The following PCBP3 variants were observed in gnomAD, a reference collection of about 807,000 sequenced individuals.
PCBP3 encodes poly(rC)-binding protein 3.
PCBP3 carries 25 observed loss-of-function variants against 52.7 expected under a neutral mutation model. That is an observed-to-expected ratio of 0.47 (90% CI 0.35 to 0.66). PCBP3 has a LOEUF of 0.66. PCBP3 is among the 30% of genes least tolerant of loss of function. The pLI is 0.01. For missense variants in PCBP3, 391 were observed against 490.3 expected (o/e 0.80, Z 1.91); for synonymous variants, 162 against 183.0 (o/e 0.89, Z 0.93).
intron 17 of PCBP3, 32 bp from the exon 18 acceptor site, chr21:45,941,638 G>A (rs374937482): frequency 2.1e-5 from 34 of 1,596,396 alleles, no homozygotes; most frequent in African/African-American, 1.6e-4. Context: ...GGTTGTGACC[G>A]TCTCTCCCTC....
At chr21:45,848,410 C>T (rs748287733) in intron 4 of PCBP3, 2 of 152,194 alleles carry the variant, frequency 1.3e-5, no homozygotes, top group Non-Finnish European at 2.9e-5. Flanking sequence ...GGGTAAATGC[C>T]GTGAACGGAG....
intron 2 of PCBP3, among the ~76,000 whole-genome samples, chr21:45,720,594 A>G (rs76501438): frequency 0.021 from 3,152 of 152,382 alleles, 117 homozygotes; most frequent in African/African-American, 0.072. Context: ...CCTTAGCAGT[A>G]AAAGTATTCA....
At chr21:45,908,249 A>G (rs1393939917) in intron 9 of PCBP3, among the ~76,000 whole-genome samples, 3 of 152,138 alleles carry the variant, frequency 2.0e-5, no homozygotes, top group African/African-American at 4.8e-5. Context: ...GGATTGAGAC[A>G]TGGCCCCATG....
intron 4 of PCBP3, among the ~76,000 whole-genome samples, chr21:45,765,428 A>G (rs1270578152): frequency 6.6e-6 from 1 of 152,230 alleles, no homozygotes; most frequent in African/African-American, 2.4e-5. Flanking sequence ...GTTAAATAGG[A>G]GGACAGCTCA....
intron 5 of PCBP3, among the ~76,000 whole-genome samples, chr21:45,895,782 A>T (rs1315504737): frequency 6.6e-6 from 1 of 152,146 alleles, no homozygotes; most frequent in Admixed American, 6.5e-5. Flanking sequence ...TGGTCAGGGG[A>T]CTCTGGCACC....
At chr21:45,841,819 G>C (rs568647670) in intron 4 of PCBP3, among the ~76,000 whole-genome samples, 1 of 152,116 alleles carries the variant, frequency 6.6e-6, no homozygotes, top group African/African-American at 2.4e-5. Flanking sequence ...CTGTTATTAC[G>C]GTGAAATATG....
intron 9 of PCBP3, among the ~76,000 whole-genome samples, chr21:45,902,294 C>T (rs971027800): frequency 1.4e-5 from 1 of 70,368 alleles, no homozygotes; most frequent in Admixed American, 1.2e-4. Flanking sequence ...CGTAGGTGGC[C>T]TGGCCTCCAA....
chr21:45,857,340 T>A (rs1386364003), intron 5 of PCBP3, among the ~76,000 whole-genome samples: 1 of 152,160 alleles, frequency 6.6e-6, no homozygotes, highest in Non-Finnish European at 1.5e-5. Flanking sequence ...AATTTATGGT[T>A]TGTAGAGCAT....
At chr21:45,894,314 T>C (rs1220836358) in intron 5 of PCBP3, among the ~76,000 whole-genome samples, 2 of 152,188 alleles carry the variant, frequency 1.3e-5, no homozygotes, top group African/African-American at 4.8e-5. Flanking sequence ...GCTGGAAACC[T>C]TGACATAACA....
intron 4 of PCBP3, among the ~76,000 whole-genome samples, chr21:45,794,371 G>A (rs111428965): frequency 0.013 from 2,047 of 152,272 alleles, 65 homozygotes; most frequent in African/African-American, 0.046. Flanking sequence ...AGCCAAGACC[G>A]TGCCTCTGCA....
chr21:45,860,663 G>C (rs2094473825), intron 5 of PCBP3, among the ~76,000 whole-genome samples: 1 of 152,220 alleles, frequency 6.6e-6, no homozygotes, highest in Non-Finnish European at 1.5e-5. Context: ...CAACAGCAAA[G>C]ATCGTGCGAG....
chr21:45,843,094 G>A (rs993311787), intron 4 of PCBP3, among the ~76,000 whole-genome samples: 2 of 152,122 alleles, frequency 1.3e-5, no homozygotes, highest in Non-Finnish European at 2.9e-5. Flanking sequence ...CGAACTCACC[G>A]CTGTGTCATT....
At chr21:45,679,322 T>C (rs775283170) in intron 2 of PCBP3, among the ~76,000 whole-genome samples, 13 of 152,118 alleles carry the variant, frequency 8.5e-5, no homozygotes, top group Non-Finnish European at 1.6e-4. Flanking sequence ...GGTTTCGCCA[T>C]GTTGGCCAGG....
intron 2 of PCBP3, chr21:45,728,819 CATCT>C (rs1291079973): frequency 6.6e-6 from 1 of 152,066 alleles, no homozygotes; most frequent in Non-Finnish European, 1.5e-5. Context: ...GAACTTGCTC[CATCT>C]AAGTTAGCAG....
chr21:45,763,239 A>G (rs549952095), intron 4 of PCBP3: 2 of 152,364 alleles, frequency 1.3e-5, no homozygotes, highest in South Asian at 2.1e-4. Context: ...AGTTCCCACC[A>G]TTGAGGGCTG....
intron 5 of PCBP3, among the ~76,000 whole-genome samples, chr21:45,889,621 C>T (rs1011478412): frequency 3.3e-5 from 5 of 152,192 alleles, no homozygotes; most frequent in South Asian, 4.1e-4. Context: ...GAGTTAGAGG[C>T]GGGGAGCTTC....
chr21:45,722,133 C>T (rs548653659), intron 2 of PCBP3, among the ~76,000 whole-genome samples: 1 of 152,224 alleles, frequency 6.6e-6, no homozygotes, highest in African/African-American at 2.4e-5. Context: ...TTTAGTAAAT[C>T]AGTTATTGTA....
chr21:45,729,121 C>G (rs768632987), intron 2 of PCBP3, among the ~76,000 whole-genome samples: 2 of 152,154 alleles, frequency 1.3e-5, no homozygotes, highest in Non-Finnish European at 2.9e-5. Flanking sequence ...CTTTTTGTCT[C>G]TATGGACTTG....
chr21:45,816,365 A>G (rs1447071326), intron 4 of PCBP3, among the ~76,000 whole-genome samples: 1 of 151,720 alleles, frequency 6.6e-6, no homozygotes, highest in Non-Finnish European at 1.5e-5. Flanking sequence ...ACACAAACAC[A>G]TTGTATGCAG....
Sources: allele counts gnomAD v4.1 joint callset (sites outside exome capture counted in the v4.1 genomes callset), GRCh38; gene constraint gnomAD v4.1.1; transcripts MANE v1.5; gene names NCBI Gene and HGNC (gene_info 2026-07-23, HGNC 2026-07-21).